ANK2: variants seen among roughly 807,000 people sequenced by gnomAD.
The protein encoded by ANK2 is ankyrin 2, also known as ankyrin-2.
In ANK2, 83 loss-of-function variants were observed where a neutral mutation model predicts 360.5. The ratio of observed to expected loss-of-function variants is 0.23; its 90% CI spans 0.19 to 0.28. The LOEUF is 0.28. Among genes scored for constraint, ANK2 ranks in the 10% least tolerant of loss-of-function variants. The probability of loss-of-function intolerance (pLI) is 1.00; values close to 1 mark genes in which losing one functional copy is unlikely to be tolerated. For missense variants in ANK2, 4,201 were observed against 4,795.7 expected, an observed-to-expected ratio of 0.88 and a Z score of 3.66; for synonymous variants, 1,740 against 1,759.5, an observed-to-expected ratio of 0.99 and a Z score of 0.28.
chr4:112,865,275 G>C lies in ANK2; in HGVS notation c.-39-39180G>C, dbSNP rs935869608. Among the ~76,000 whole-genome samples the C allele has an allele frequency of 2.6e-5, 4 of 151,960 alleles. No individual in the cohort carries two copies. The East Asian group carries it at 7.7e-4, about 29-fold the overall frequency. ...CGGCAGTTTTAAAAACTGCAGTAAAGAAATTCACCTTCTCACCTTTTATTT... is the reference window on the plus strand; with the variant it reads ...CGGCAGTTTTAAAAACTGCAGTAAACAAATTCACCTTCTCACCTTTTATTT... On this transcript the variant is annotated intron_variant, in intron 1 of 30. Coordinates refer to the ANK2 transcript ENST00000503271.
intron 2 of ANK2, among the ~76,000 whole-genome samples, chr4:112,924,878 G>A (rs768587142): frequency 8.4e-5 from 11 of 131,632 alleles, no homozygotes; most frequent in Non-Finnish European, 1.7e-4. Context: ...TCGCTCTGTC[G>A]CCCAGGCTGG....
At chr4:113,039,427 T>C (rs1338540825) in intron 2 of ANK2, among the ~76,000 whole-genome samples, 1 of 152,094 alleles carries the variant, frequency 6.6e-6, no homozygotes, top group Admixed American at 6.6e-5. Context: ...TGCAGCATTT[T>C]GCAAAACAAC....
intron 2 of ANK2, among the ~76,000 whole-genome samples, chr4:112,989,340 A>G (rs1253392086): frequency 6.6e-6 from 1 of 152,216 alleles, no homozygotes; most frequent in Non-Finnish European, 1.5e-5. Flanking sequence ...TGTAAAATTG[A>G]TGAAAATGAA....
intron 1 of ANK2, among the ~76,000 whole-genome samples, chr4:113,128,696 G>A (rs765657199): frequency 1.3e-5 from 2 of 152,052 alleles, no homozygotes; most frequent in Non-Finnish European, 2.9e-5. Context: ...TCACCGTATT[G>A]GCCAGGCTGG....
chr4:112,998,318 G>T (rs2049372151), intron 2 of ANK2, among the ~76,000 whole-genome samples: 1 of 152,032 alleles, frequency 6.6e-6, no homozygotes, highest in South Asian at 2.1e-4. Context: ...ATTCAAAAGA[G>T]ATTTGTGCCC....
In ANK2 at chr4:112,829,491, C is replaced by CAAA. The variant is rs60272903; in HGVS notation, c.-40+11244_-40+11246dup. 2.0e-3 allele frequency among the ~76,000 whole-genome samples: 121 copies of CAAA among 60,724 alleles called. 11 individuals are homozygous for CAAA. Among genetic ancestry groups the CAAA allele is most frequent in the African/African-American group, 8.5e-3 (105 of 12,362 alleles). 39.8% of individuals were successfully genotyped at this position (60,724 alleles called of 152,430 possible). A position where few individuals can be genotyped will look rare whatever the true frequency, so the allele number is the denominator to read the frequency against. On this transcript the variant is annotated intron_variant, in intron 1 of 30. Coordinates refer to the ANK2 transcript ENST00000503271. ...GCAACATAGTATGAGCCCATCTCTA[C>CAAA]AAAAAAAAAAAAAAAAAAAGGAAGG...
intron 2 of ANK2, among the ~76,000 whole-genome samples, chr4:113,177,230 G>A (rs1385275488): frequency 9.9e-5 from 15 of 152,160 alleles, no homozygotes; most frequent in East Asian, 5.8e-4. Context: ...ACAGGCGCCC[G>A]CCACCACGCC....
rs573496178 is a variant in ANK2, at chr4:112,894,399, C to T, written c.-39-10056C>T. Among the ~76,000 whole-genome samples, 13 of 152,032 alleles carry T rather than the reference C, an allele frequency of 8.6e-5. No homozygotes were observed. The East Asian group carries it at 9.7e-4, about 11-fold the overall frequency. ...AAATTTTTGTATTTGGTGTTACATA[C>T]GGATATGTAGTATACATACATATAT... On this transcript the variant is annotated intron_variant, in intron 1 of 30. Transcript: ENST00000503271.
chr4:112,809,039 A>G, the ANK2 span, among the ~76,000 whole-genome samples: 1 of 151,802 alleles, frequency 6.6e-6, no homozygotes, highest in Admixed American at 6.6e-5. Flanking sequence ...TTTTATTTTT[A>G]GTAGAGACGG....
At chr4:112,887,378 C>T (rs763456307) in intron 1 of ANK2, among the ~76,000 whole-genome samples, 8 of 152,136 alleles carry the variant, frequency 5.3e-5, no homozygotes, top group Admixed American at 1.3e-4. Context: ...GTTCTGAGCA[C>T]GTTTGAGATT....
intron 9 of ANK2, among the ~76,000 whole-genome samples, chr4:113,243,198 G>A (rs180674813): frequency 1.1e-4 from 17 of 152,242 alleles, no homozygotes; most frequent in African/African-American, 3.6e-4. Flanking sequence ...TTAATATGTG[G>A]TATAAAAGTC....
intron 1 of ANK2, among the ~76,000 whole-genome samples, chr4:113,152,656 C>T (rs2097139385): frequency 6.6e-6 from 1 of 151,962 alleles, no homozygotes; most frequent in Non-Finnish European, 1.5e-5. Context: ...CGTGTAATTC[C>T]AGCAATTTGG....
At chr4:112,964,036 A>AT (rs2036060783) in intron 2 of ANK2, among the ~76,000 whole-genome samples, 1 of 150,468 alleles carries the variant, frequency 6.6e-6, no homozygotes, top group African/African-American at 2.5e-5. Context: ...GACTTTTTCA[A>AT]TTTTTACCAC....
intron 2 of ANK2, among the ~76,000 whole-genome samples, chr4:112,974,121 T>G (rs1323534459): frequency 6.6e-6 from 1 of 152,184 alleles, no homozygotes; most frequent in Non-Finnish European, 1.5e-5. Flanking sequence ...GCTGGGAGTT[T>G]GTCTTTCTAA....
intron 3 of ANK2, among the ~76,000 whole-genome samples, chr4:113,197,318 T>C (rs1024957004): frequency 6.6e-6 from 1 of 152,244 alleles, no homozygotes; most frequent in African/African-American, 2.4e-5. Context: ...AACCAGAAAC[T>C]GTTCCTTGAT....
chr4:113,236,012 A>G (rs1209023109), intron 5 of ANK2, among the ~76,000 whole-genome samples: 2 of 152,070 alleles, frequency 1.3e-5, no homozygotes, highest in Non-Finnish European at 2.9e-5. Context: ...TGCTGGGATT[A>G]CAGGTGTGAG....
chr4:112,868,136 C>T (rs2071409516), intron 1 of ANK2, among the ~76,000 whole-genome samples: 1 of 152,180 alleles, frequency 6.6e-6, no homozygotes, highest in African/African-American at 2.4e-5. Context: ...TTTTGATTTG[C>T]ATTTCTTTAA....
At chr4:113,203,752 T>G (rs1205578457) in intron 4 of ANK2, among the ~76,000 whole-genome samples, 1 of 152,198 alleles carries the variant, frequency 6.6e-6, no homozygotes, top group Admixed American at 6.5e-5. Context: ...TGATGACAAA[T>G]TGAGACTCAG....
At chr4:112,834,536 G>A (rs1417794845) in intron 1 of ANK2, among the ~76,000 whole-genome samples, 2 of 150,950 alleles carry the variant, frequency 1.3e-5, no homozygotes, top group African/African-American at 4.9e-5. Flanking sequence ...CCCCTTTTTT[G>A]GAAGTATTTA....
Sources: gnomAD v4.1 joint callset for allele counts (sites outside exome capture counted in the v4.1 genomes callset) on GRCh38, gnomAD v4.1.1 for gene constraint, MANE v1.5 for transcripts, NCBI Gene and HGNC (gene_info 2026-07-23, HGNC 2026-07-21) for gene names.